The following NSMAF variants were observed in gnomAD, a reference collection of about 807,000 sequenced individuals.
The protein encoded by NSMAF is neutral sphingomyelinase activation associated factor.
In NSMAF, 90 loss-of-function variants were observed where a neutral mutation model predicts 134.9. That is an observed-to-expected ratio of 0.67 (90% confidence interval 0.56 to 0.79). NSMAF has a LOEUF of 0.79. NSMAF is among the 30% of genes least tolerant of loss of function. The probability of loss-of-function intolerance (pLI) is 0.00; values close to 1 mark genes in which losing one functional copy is unlikely to be tolerated. For synonymous variants in NSMAF, 358 were observed against 389.6 expected, an observed-to-expected ratio of 0.92 and a Z score of 0.96; for missense variants, 1,010 against 1,119.0, an observed-to-expected ratio of 0.90 and a Z score of 1.39.
At chr8:58,654,143 C>T (rs1287233738) in intron 1 of NSMAF, among the ~76,000 whole-genome samples, 8 of 152,198 alleles carry the variant, frequency 5.3e-5, no homozygotes, top group Admixed American at 5.2e-4. Flanking sequence ...TCTCCAGTTT[C>T]AACACCTGGT....
intron 1 of NSMAF, among the ~76,000 whole-genome samples, chr8:58,644,765 C>T (rs902641452): frequency 6.6e-5 from 10 of 152,180 alleles, no homozygotes; most frequent in African/African-American, 2.4e-4. Context: ...CACATATACA[C>T]CATGGAATAC....
At chr8:58,626,156 T>C (rs1322463749) in intron 6 of NSMAF, among the ~76,000 whole-genome samples, 1 of 141,784 alleles carries the variant, frequency 7.1e-6, no homozygotes, top group Non-Finnish European at 1.5e-5. Context: ...TGGAGTGCAG[T>C]GGCGCGATCT....
chr8:58,630,673 CA>C (rs1304430811), intron 6 of NSMAF, among the ~76,000 whole-genome samples: 1 of 152,168 alleles, frequency 6.6e-6, no homozygotes, highest in Non-Finnish European at 1.5e-5. Context: ...CCCAAAATGC[CA>C]AAAGCACCAC....
intron 1 of NSMAF, chr8:58,659,183 C>CA (rs1249496835): frequency 7.1e-7 from 1 of 1,417,858 alleles, no homozygotes; most frequent in Non-Finnish European, 9.1e-7. Flanking sequence ...GCCCGCCGGG[C>CA]AGCGTACTCA....
At chr8:58,606,524 T>A (rs1041907690) in intron 11 of NSMAF, among the ~76,000 whole-genome samples, 1 of 152,118 alleles carries the variant, frequency 6.6e-6, no homozygotes, top group African/African-American at 2.4e-5. Context: ...CAATTGATCC[T>A]CCCACCTCAG....
chr8:58,606,156 A>T, intron 11 of NSMAF, 121 bp from the exon 12 acceptor site: 1 of 853,224 alleles, frequency 1.2e-6, no homozygotes. Context: ...TATAACTTAT[A>T]TTCCTATTTT....
intron 1 of NSMAF, among the ~76,000 whole-genome samples, chr8:58,648,925 G>A (rs1283800396): frequency 6.6e-6 from 1 of 152,246 alleles, no homozygotes; most frequent in Non-Finnish European, 1.5e-5. Context: ...GGAAAAGTGG[G>A]CTGGAGTCCC....
intron 1 of NSMAF, among the ~76,000 whole-genome samples, chr8:58,647,949 C>T (rs538898290): frequency 1.3e-5 from 2 of 152,120 alleles, no homozygotes; most frequent in African/African-American, 4.8e-5. Flanking sequence ...CAGGCAGAAG[C>T]TGGAAGAGTT....
At chr8:58,607,252 G>C (rs1244419418) in intron 11 of NSMAF, among the ~76,000 whole-genome samples, 2 of 152,226 alleles carry the variant, frequency 1.3e-5, no homozygotes, top group African/African-American at 4.8e-5. Flanking sequence ...CCTAAGTATA[G>C]AAATACACTT....
chr8:58,619,892 C>A (rs1400218055), intron 9 of NSMAF, among the ~76,000 whole-genome samples: 1 of 152,036 alleles, frequency 6.6e-6, no homozygotes, highest in East Asian at 1.9e-4. Flanking sequence ...GTGCCTAAGA[C>A]CAAGAATATT....
intron 2 of NSMAF, chr8:58,640,182 T>C (rs1807302424): frequency 2.4e-6 from 1 of 411,358 alleles, no homozygotes. Context: ...GTAGATCTTA[T>C]ATGTTCTTAT....
At chr8:58,593,441 GA>G (rs1806064376) in intron 23 of NSMAF, among the ~76,000 whole-genome samples, 1 of 152,172 alleles carries the variant, frequency 6.6e-6, no homozygotes, top group African/African-American at 2.4e-5. Flanking sequence ...CTTAATGAAT[GA>G]AAAATATAAT....
At chr8:58,636,914 C>A (rs1327100424) in intron 2 of NSMAF, among the ~76,000 whole-genome samples, 3 of 152,072 alleles carry the variant, frequency 2.0e-5, no homozygotes, top group Non-Finnish European at 1.5e-5. Context: ...ACAATTTGTA[C>A]AAGGAAAATA....
intron 2 of NSMAF, among the ~76,000 whole-genome samples, chr8:58,640,269 T>A (rs1437407365): frequency 6.6e-6 from 1 of 152,230 alleles, no homozygotes; most frequent in Non-Finnish European, 1.5e-5. Context: ...CATTTCACAA[T>A]GTGTATGTAT....
At chr8:58,605,297 C>T (rs1806378627) in intron 12 of NSMAF, among the ~76,000 whole-genome samples, 1 of 152,178 alleles carries the variant, frequency 6.6e-6, no homozygotes, top group Non-Finnish European at 1.5e-5. Flanking sequence ...CTTTTGCAGT[C>T]TTTCAGCTTT....
chr8:58,623,473 T>C, intron 7 of NSMAF, 49 bp from the exon 8 acceptor site: 1 of 1,560,188 alleles, frequency 6.4e-7, no homozygotes, highest in Non-Finnish European at 8.8e-7. Context: ...TCAGATGATA[T>C]GAAGTATTTC....
At chr8:58,653,425 T>C (rs573123098) in intron 1 of NSMAF, among the ~76,000 whole-genome samples, 36 of 152,064 alleles carry the variant, frequency 2.4e-4, no homozygotes, top group African/African-American at 8.4e-4. Context: ...AGTCCAAGTA[T>C]AAGCTATTTA....
chr8:58,603,533 T>C (rs1316361601), intron 12 of NSMAF, 147 bp from the exon 13 acceptor site: 1 of 689,418 alleles, frequency 1.5e-6, no homozygotes, highest in African/African-American at 1.8e-5. Flanking sequence ...CTTGTTTTCA[T>C]AAAGTATTTG....
intron 24 of NSMAF, among the ~76,000 whole-genome samples, chr8:58,590,463 T>C (rs1026553671): frequency 1.3e-5 from 2 of 152,210 alleles, no homozygotes; most frequent in African/African-American, 4.8e-5. Flanking sequence ...CTTCAGAGAA[T>C]TTCCAGATCT....
Sources: allele counts gnomAD v4.1 joint callset (sites outside exome capture counted in the v4.1 genomes callset), GRCh38; gene constraint gnomAD v4.1.1; transcripts MANE v1.5; gene names NCBI Gene and HGNC (gene_info 2026-07-23, HGNC 2026-07-21).